The following CDC42 variants were observed in gnomAD, a reference collection of about 807,000 sequenced individuals.
CDC42 encodes cell division control protein 42 homolog.
A neutral mutation model predicts 20.8 loss-of-function variants in CDC42; 1 was observed. That is an observed-to-expected ratio of 0.05 (90% CI 0.02 to 0.23). The LOEUF is 0.23. Among genes scored for constraint, CDC42 ranks in the 10% least tolerant of loss-of-function variants. The pLI, the probability that CDC42 is intolerant of heterozygous loss-of-function variation, is 1.00. For synonymous variants in CDC42, 72 were observed against 84.8 expected (o/e 0.85, Z 0.83); for missense variants, 49 against 227.9 (o/e 0.21, Z 5.05).
At chr1:22,087,360 A>G (rs1422199964) in intron 5 of CDC42, among the ~76,000 whole-genome samples, 1 of 152,232 alleles carries the variant, frequency 6.6e-6, no homozygotes, top group African/African-American at 2.4e-5. Context: ...CACAGTTCTC[A>G]AGCGTGCTTT....
intron 1 of CDC42, among the ~76,000 whole-genome samples, chr1:22,054,891 GTATATATATA>G (rs1157685736): frequency 0.014 from 996 of 71,880 alleles, 17 homozygotes; most frequent in East Asian, 0.024. Flanking sequence ...TTGAATTTAT[GTATATATATA>G]TATATATATA....
intron 1 of CDC42, among the ~76,000 whole-genome samples, chr1:22,067,011 A>G (rs576970087): frequency 9.8e-5 from 15 of 152,294 alleles, no homozygotes; most frequent in African/African-American, 3.6e-4. Flanking sequence ...TGTGGTGAGC[A>G]GAGATTGGGC....
chr1:22,075,348 G>A (rs895796062), intron 1 of CDC42, among the ~76,000 whole-genome samples: 8 of 152,154 alleles, frequency 5.3e-5, no homozygotes, highest in Admixed American at 3.9e-4. Flanking sequence ...TTTGTGCTGA[G>A]AACAATTAGT....
At chr1:22,089,926 T>TC (rs1420033905) in intron 5 of CDC42, 1 of 1,611,902 alleles carries the variant, frequency 6.2e-7, no homozygotes, top group Non-Finnish European at 8.5e-7. Flanking sequence ...TTCTCTCTCC[T>TC]CCCCTCTGTC....
chr1:22,076,182 G>C (rs1288344905), intron 1 of CDC42, among the ~76,000 whole-genome samples: 1 of 151,812 alleles, frequency 6.6e-6, no homozygotes, highest in Non-Finnish European at 1.5e-5. Flanking sequence ...ACTTGAGGTT[G>C]GGCACGGTGG....
At chr1:22,073,375 A>G (rs1412546062) in intron 1 of CDC42, among the ~76,000 whole-genome samples, 1 of 151,404 alleles carries the variant, frequency 6.6e-6, no homozygotes, top group Non-Finnish European at 1.5e-5. Context: ...CGTCTCTACT[A>G]AAAAAATACA....
chr1:22,091,706 A>G lies in CDC42; in HGVS notation c.*189A>G. The G allele has an allele frequency of 6.2e-6, 2 of 324,044 alleles. No homozygotes were observed. The highest frequency in any genetic ancestry group is 1.1e-5 in the Non-Finnish European group (2 of 181,186). 20.1% of individuals were successfully genotyped at this position (324,044 alleles called of 1,614,324 possible). On this transcript the variant is annotated 3_prime_UTR_variant, in exon 6 of 6. Coordinates refer to ENST00000656825, the MANE Select transcript of CDC42 (RefSeq NM_001791.4). ...CCCCCCCCTTCCCCCTCCCAGTACT[A>G]GTTAATTTTGAGTAATTGTATTGTC...
At chr1:22,060,983 T>C (rs186201805) in intron 1 of CDC42, among the ~76,000 whole-genome samples, 1 of 152,304 alleles carries the variant, frequency 6.6e-6, no homozygotes, top group African/African-American at 2.4e-5. Flanking sequence ...GCAAAGGAAA[T>C]GTTAGATCAT....
chr1:22,070,321 C>T (rs1036157129), intron 1 of CDC42, among the ~76,000 whole-genome samples: 3 of 152,052 alleles, frequency 2.0e-5, no homozygotes, highest in African/African-American at 7.2e-5. Flanking sequence ...TAAATATTTG[C>T]CCTGGCATGC....
intron 1 of CDC42, among the ~76,000 whole-genome samples, chr1:22,067,577 T>A (rs1181364662): frequency 6.6e-6 from 1 of 152,172 alleles, no homozygotes; most frequent in Non-Finnish European, 1.5e-5. Context: ...ACGCCTGACC[T>A]CAGATGATCC....
In CDC42 at chr1:22,098,840, C is replaced by A. The variant is rs1645773001; in HGVS notation, c.*7323C>A. The stretch of plus-strand genomic sequence containing the variant: ...GTGTCGTGGTCTTGGGTCACTGCAT[C>A]CTTGACCTCCCCAGCTCAAGCGATC... On this transcript the variant is annotated 3_prime_UTR_variant, in exon 6 of 6. Coordinates refer to ENST00000656825, the MANE Select transcript of CDC42 (RefSeq NM_001791.4). 6.6e-6 allele frequency among the ~76,000 whole-genome samples: 1 copy of A among 152,130 alleles called. No homozygotes were observed. Among genetic ancestry groups the A allele is most frequent in the African/African-American group, 2.4e-5 (1 of 41,426 alleles).
intron 1 of CDC42, among the ~76,000 whole-genome samples, chr1:22,065,237 G>T (rs1434510307): frequency 6.6e-6 from 1 of 152,198 alleles, no homozygotes; most frequent in African/African-American, 2.4e-5. Flanking sequence ...GCATGTTAGA[G>T]ACTTGAGAAA....
intron 1 of CDC42, among the ~76,000 whole-genome samples, chr1:22,066,298 G>A (rs907876516): frequency 1.3e-5 from 2 of 151,892 alleles, no homozygotes; most frequent in Admixed American, 6.6e-5. Context: ...TCGCTTGAGC[G>A]TGGGAGGCAG....
intron 1 of CDC42, among the ~76,000 whole-genome samples, chr1:22,073,666 T>A (rs1417456110): frequency 2.0e-5 from 3 of 152,122 alleles, no homozygotes; most frequent in Admixed American, 6.6e-5. Context: ...AGAATCATTT[T>A]AAAAAAAATA....
chr1:22,082,337 A>G (rs1645616239), intron 3 of CDC42, among the ~76,000 whole-genome samples: 1 of 152,238 alleles, frequency 6.6e-6, no homozygotes, highest in African/African-American at 2.4e-5. Context: ...TAGATAGCTT[A>G]TTTTAAACTG....
In CDC42 at chr1:22,091,470, C is replaced by T. The variant is rs759623419; in HGVS notation, c.529C>T (p.Leu177=). 5 of 1,613,520 alleles carry T rather than the reference C, an allele frequency of 3.1e-6. No homozygotes were observed. The highest frequency in any genetic ancestry group is 4.2e-6 in the Non-Finnish European group (5 of 1,179,670). The change falls in exon 6 of 6, where the codon CTG becomes TTG. Residue 177 remains leucine (L), a synonymous_variant. Coordinates refer to ENST00000656825, the MANE Select transcript of CDC42 (RefSeq NM_001791.4). The part of the protein sequence containing the change: ...NVFDEAILAA[L]EPPEPKKSRR... ...ATTTGACGAAGCAATATTGGCTGCC[C>T]TGGAGCCTCCAGAACCGAAGAAGAG...
At position 22,065,347 on chromosome 1, in the gene CDC42, A is replaced by G. The variant is rs987123775; in HGVS notation, c.-51+12605A>G. 4.6e-5 allele frequency among the ~76,000 whole-genome samples: 7 copies of G among 152,332 alleles called. No individual in the cohort carries two copies. In the South Asian group the frequency reaches 1.0e-3, roughly 23 times the overall value. On this transcript the variant is annotated intron_variant, in intron 1 of 5. Coordinates refer to ENST00000656825, the MANE Select transcript of CDC42 (RefSeq NM_001791.4). ...TGAATCTCTTGGCTACAAATGTGAC[A>G]CTTATTAAATTAAATTGCTCTTTGA...
chr1:22,085,109 A>G (rs760430992), intron 3 of CDC42, among the ~76,000 whole-genome samples: 2 of 151,804 alleles, frequency 1.3e-5, no homozygotes, highest in South Asian at 2.1e-4. Flanking sequence ...GTGTGTGCCT[A>G]TAGTCCCAGC....
chr1:22,065,189 G>A (rs1645408968), intron 1 of CDC42, among the ~76,000 whole-genome samples: 1 of 152,170 alleles, frequency 6.6e-6, no homozygotes. Context: ...TTGATTGAAA[G>A]CATATGCCCT....
Sources: gnomAD v4.1 joint callset for allele counts (sites outside exome capture counted in the v4.1 genomes callset) on GRCh38, gnomAD v4.1.1 for gene constraint, MANE v1.5 for transcripts, NCBI Gene and HGNC (gene_info 2026-07-23, HGNC 2026-07-21) for gene names.